PPP6R2: variants seen among roughly 807,000 people sequenced by gnomAD.
The protein encoded by PPP6R2 is protein phosphatase 6 regulatory subunit 2, also known as serine/threonine-protein phosphatase 6 regulatory subunit 2.
A neutral mutation model predicts 100.2 loss-of-function variants in PPP6R2; 62 were observed. That is an observed-to-expected ratio of 0.62 (90% CI 0.50 to 0.76). PPP6R2 has a LOEUF of 0.76. Among genes scored for constraint, PPP6R2 ranks in the 30% least tolerant of loss-of-function variants. The probability of loss-of-function intolerance (pLI) is 0.00; values close to 1 mark genes in which losing one functional copy is unlikely to be tolerated. For synonymous variants in PPP6R2, 525 were observed against 514.7 expected (o/e 1.02, Z -0.27); for missense variants, 1,142 against 1,276.3 (o/e 0.89, Z 1.60).
chr22:50,436,251 C>A, intron 13 of PPP6R2, 116 bp from the exon 14 acceptor site: 1 of 876,482 alleles, frequency 1.1e-6, no homozygotes, highest in Non-Finnish European at 1.8e-6. Context: ...ACGGGCTGAC[C>A]ACAGTAGCAG....
chr22:50,363,085 G>C (rs1012149086), intron 1 of PPP6R2, among the ~76,000 whole-genome samples: 2 of 152,162 alleles, frequency 1.3e-5, no homozygotes, highest in East Asian at 3.8e-4. Context: ...TAAACATGAA[G>C]ATGTGGGGAT....
In PPP6R2 at chr22:50,438,163, T is replaced by G; in HGVS notation, c.1840-11T>G. ...CCCTCTGGAAACTCACCTTGGCGTTTTACTCTGCAGCCCAGCGCAGCTCTG... is the reference window on the plus strand; with the variant it reads ...CCCTCTGGAAACTCACCTTGGCGTTGTACTCTGCAGCCCAGCGCAGCTCTG... On this transcript the variant is annotated splice_polypyrimidine_tract_variant and intron_variant, in intron 17 of 23. Coordinates refer to ENST00000612753, the MANE Select transcript of PPP6R2 (RefSeq NM_001242898.2). 6.2e-7 allele frequency: 1 copy of G among 1,606,440 alleles called. No individual in the cohort carries two copies. Among genetic ancestry groups the G allele is most frequent in the Non-Finnish European group, 8.5e-7 (1 of 1,176,864 alleles).
intron 1 of PPP6R2, among the ~76,000 whole-genome samples, chr22:50,346,650 G>A (rs1167874735): frequency 1.7e-5 from 2 of 120,474 alleles, no homozygotes; most frequent in Admixed American, 1.8e-4. Context: ...CCCACCGTCA[G>A]TCAGTGCCCC....
intron 3 of PPP6R2, among the ~76,000 whole-genome samples, chr22:50,404,914 C>T (rs146592228): frequency 6.6e-6 from 1 of 152,324 alleles, no homozygotes; most frequent in Non-Finnish European, 1.5e-5. Flanking sequence ...GCTATGGGGG[C>T]TGCTGTTGAG....
At chr22:50,347,931 AGGT>A (rs1218362386) in intron 1 of PPP6R2, among the ~76,000 whole-genome samples, 1 of 152,108 alleles carries the variant, frequency 6.6e-6, no homozygotes, top group Non-Finnish European at 1.5e-5. Flanking sequence ...GGTACACAAT[AGGT>A]GTATATATCT....
rs762160617 is a variant in PPP6R2, at chr22:50,440,751, C to T, written c.2375-71C>T. ...TGAGAGGGCCACATGTATGGGGACC[C>T]TATGGCTGGAGTGGCCGCACCCTGT... On this transcript the variant is annotated intron_variant, in intron 21 of 23. Coordinates refer to ENST00000612753, the MANE Select transcript of PPP6R2 (RefSeq NM_001242898.2). 2.4e-5 allele frequency: 37 copies of T among 1,541,970 alleles called. No homozygotes were observed. The Middle Eastern group carries it at 1.2e-3, about 48-fold the overall frequency.
At chr22:50,398,160 C>A (rs1478068762) in intron 3 of PPP6R2, among the ~76,000 whole-genome samples, 1 of 151,246 alleles carries the variant, frequency 6.6e-6, no homozygotes, top group African/African-American at 2.4e-5. Flanking sequence ...TAGCGAGACT[C>A]CATCTCTTTT....
chr22:50,347,254 G>A (rs1164534149), intron 1 of PPP6R2, among the ~76,000 whole-genome samples: 1 of 151,648 alleles, frequency 6.6e-6, no homozygotes, highest in African/African-American at 2.4e-5. Context: ...TGCTGTTAGT[G>A]ACCCCACCTG....
intron 2 of PPP6R2, among the ~76,000 whole-genome samples, chr22:50,381,622 T>C (rs1300628531): frequency 1.3e-5 from 2 of 152,162 alleles, no homozygotes; most frequent in Non-Finnish European, 2.9e-5. Flanking sequence ...TAAGGAATTA[T>C]TGTAGGAATA....
At chr22:50,442,568 G>GTT (rs545918298) in intron 22 of PPP6R2, among the ~76,000 whole-genome samples, 1 of 148,714 alleles carries the variant, frequency 6.7e-6, no homozygotes, top group East Asian at 2.4e-4. Context: ...TTGTTTGTTT[G>GTT]AGACAGAGTC....
upstream of PPP6R2, among the ~76,000 whole-genome samples, chr22:50,340,905 TATTTC>T (rs1043684853): frequency 1.8e-4 from 27 of 151,926 alleles, no homozygotes; most frequent in African/African-American, 6.3e-4. Context: ...TGATGTGACC[TATTTC>T]ATTTCATTTC....
the PPP6R2 span, among the ~76,000 whole-genome samples, chr22:50,333,968 G>GGA: frequency 1.3e-3 from 191 of 152,172 alleles, 1 homozygote; most frequent in African/African-American, 4.4e-3. Context: ...TAGCCAAGGT[G>GGA]GAGAGAGAGA....
chr22:50,367,959 A>G (rs907269282), intron 1 of PPP6R2, among the ~76,000 whole-genome samples: 5 of 152,194 alleles, frequency 3.3e-5, no homozygotes, highest in Non-Finnish European at 4.4e-5. Context: ...GTGGCCTCCA[A>G]TGATAGATAA....
At chr22:50,334,837 C>T in the PPP6R2 span, among the ~76,000 whole-genome samples, 4 of 151,986 alleles carry the variant, frequency 2.6e-5, no homozygotes, top group Admixed American at 1.3e-4. Context: ...TGTGGTGTCG[C>T]GTGCCTGTAG....
upstream of PPP6R2, among the ~76,000 whole-genome samples, chr22:50,339,322 TGTGTGTG>T (rs1478176202): frequency 2.5e-4 from 32 of 129,814 alleles, no homozygotes; most frequent in East Asian, 3.0e-3. Flanking sequence ...GTGGGTGTAG[TGTGTGTG>T]GTGTGTGTGG....
intron 10 of PPP6R2, among the ~76,000 whole-genome samples, chr22:50,427,497 T>A (rs2062363942): frequency 6.6e-6 from 1 of 152,206 alleles, no homozygotes; most frequent in Admixed American, 6.5e-5. Context: ...AATACTGTCT[T>A]CTTAACAATA....
chr22:50,429,456 G>A (rs183163980), intron 10 of PPP6R2, among the ~76,000 whole-genome samples: 2 of 152,318 alleles, frequency 1.3e-5, no homozygotes, highest in East Asian at 3.9e-4. Context: ...CATTTGAGGA[G>A]CAAATCCCAC....
chr22:50,416,249 A>C (rs1218191329), intron 6 of PPP6R2, 92 bp downstream of exon 6: 1 of 1,125,920 alleles, frequency 8.9e-7, no homozygotes, highest in Non-Finnish European at 1.3e-6. Context: ...AGGGAGGGCA[A>C]GTCATCCCTT....
intron 2 of PPP6R2, chr22:50,393,609 G>C: frequency 1.0e-6 from 1 of 960,038 alleles, no homozygotes. Context: ...CCTGGAGCTG[G>C]GGGTGCAGCC....
Sources: gnomAD v4.1 joint callset for allele counts (sites outside exome capture counted in the v4.1 genomes callset) on GRCh38, gnomAD v4.1.1 for gene constraint, MANE v1.5 for transcripts, NCBI Gene and HGNC (gene_info 2026-07-23, HGNC 2026-07-21) for gene names.